Variants in ITGA1 observed in about 807,000 individuals in gnomAD.
The protein encoded by ITGA1 is integrin alpha-1.
A neutral mutation model predicts 145.9 loss-of-function variants in ITGA1; 85 were observed. The observed-to-expected ratio is 0.58, with a 90% CI of 0.49 to 0.70. The LOEUF (loss-of-function observed/expected upper bound fraction) is 0.70. ITGA1 is among the 30% of genes least tolerant of loss of function. The pLI is 0.00. For synonymous variants in ITGA1, 520 were observed against 495.3 expected (o/e 1.05, Z -0.66); for missense variants, 1,351 against 1,418.7 (o/e 0.95, Z 0.77).
At chr5:52,891,507 T>C (rs1750147921) in intron 8 of ITGA1, among the ~76,000 whole-genome samples, 1 of 151,064 alleles carries the variant, frequency 6.6e-6, no homozygotes, top group Admixed American at 6.6e-5. Flanking sequence ...TTATAGACAT[T>C]TTGCTTGTGT....
intron 1 of ITGA1, among the ~76,000 whole-genome samples, chr5:52,848,717 T>TCCCTCCC: frequency 6.7e-6 from 1 of 149,344 alleles, no homozygotes; most frequent in Middle Eastern, 3.4e-3. Context: ...CCTAATGCTT[T>TCCCTCCC]CCCTCCCCCC....
chr5:52,789,055 G>A lies in ITGA1; in HGVS notation c.61+641G>A, dbSNP rs185927612. 2.2e-3 allele frequency among the ~76,000 whole-genome samples: 333 copies of A among 152,322 alleles called. 2 individuals are homozygous for A. Among genetic ancestry groups the A allele is most frequent in the African/African-American group, 7.9e-3 (328 of 41,568 alleles). The stretch of plus-strand genomic sequence containing the variant: ...GTCTACTTTTAAGATGCAAAATATA[G>A]TATTGTTATTTGTACATAAATGTGT... On this transcript the variant is annotated intron_variant, in intron 1 of 28. Transcript: ENST00000282588.
At chr5:52,829,591 C>T (rs914405595) in intron 1 of ITGA1, among the ~76,000 whole-genome samples, 8 of 151,732 alleles carry the variant, frequency 5.3e-5, no homozygotes, top group African/African-American at 1.9e-4. Context: ...ATAAAAAAGA[C>T]TTTCAAAGGA....
At chr5:52,910,860 C>CACTATATATAGTATATATGGTATGTAT (rs1282897440) in intron 14 of ITGA1, among the ~76,000 whole-genome samples, 3 of 139,000 alleles carry the variant, frequency 2.2e-5, no homozygotes, top group Non-Finnish European at 4.6e-5. Flanking sequence ...TATATATACA[C>CACTATATATAGTATATATGGTATGTAT]ACTATATATA....
intron 12 of ITGA1, among the ~76,000 whole-genome samples, chr5:52,907,513 C>A (rs572658583): frequency 1.3e-5 from 2 of 152,126 alleles, no homozygotes; most frequent in African/African-American, 4.8e-5. Flanking sequence ...TGATTTAAAT[C>A]GTGAATGATT....
chr5:52,808,930 T>G (rs1748641391), intron 1 of ITGA1, among the ~76,000 whole-genome samples: 1 of 151,444 alleles, frequency 6.6e-6, no homozygotes, highest in Non-Finnish European at 1.5e-5. Flanking sequence ...TGTCACCTAC[T>G]TTTTGTCACC....
chr5:52,869,550 T>C (rs548160574), intron 6 of ITGA1, among the ~76,000 whole-genome samples: 16 of 152,178 alleles, frequency 1.1e-4, no homozygotes, highest in Non-Finnish European at 1.9e-4. Flanking sequence ...TGTCTGTCTA[T>C]CTGTGTTTGC....
rs1233832645 is a variant in ITGA1 at position 52,915,569 on chromosome 5, G to A, written c.1963G>A (p.Gly655Ser). Residue 655 changes from glycine to serine, a missense_variant, in exon 15 of 29, where the codon GGC becomes AGC. Gly to Ser is a moderately conservative substitution (Grantham distance 56). Transcript: ENST00000282588. Reference sequence around the variant, plus strand: ...CGGTCTGACAGATGTGACTATTGGGGGCCTTGGTGGTGCTGCCCTCTTCTG... The same window carrying A: ...CGGTCTGACAGATGTGACTATTGGGAGCCTTGGTGGTGCTGCCCTCTTCTG... ...GDGLTDVTIG[G>S]LGGAALFWSR... The A allele has an allele frequency of 3.1e-6, 5 of 1,613,970 alleles. No homozygotes were observed. Among genetic ancestry groups the A allele is most frequent in the Non-Finnish European group, 4.2e-6 (5 of 1,179,960 alleles).
At chr5:52,870,499 G>A (rs1016429926) in intron 6 of ITGA1, among the ~76,000 whole-genome samples, 1 of 152,306 alleles carries the variant, frequency 6.6e-6, no homozygotes, top group Non-Finnish European at 1.5e-5. Context: ...ACTCAGAAAG[G>A]CTTCAGTGGG....
At chr5:52,817,299 T>G (rs1419834662) in intron 1 of ITGA1, among the ~76,000 whole-genome samples, 5 of 152,194 alleles carry the variant, frequency 3.3e-5, no homozygotes, top group African/African-American at 1.2e-4. Flanking sequence ...ATTCTACAAC[T>G]AAGTGATTTT....
At chr5:52,943,089 C>G (rs1218081450) in intron 26 of ITGA1, among the ~76,000 whole-genome samples, 1 of 152,106 alleles carries the variant, frequency 6.6e-6, no homozygotes, top group Non-Finnish European at 1.5e-5. Context: ...ATTGCTCTGG[C>G]TAGGACTTAG....
chr5:52,852,956 C>T (rs752374248), intron 2 of ITGA1, among the ~76,000 whole-genome samples: 11 of 152,184 alleles, frequency 7.2e-5, no homozygotes, highest in Admixed American at 1.3e-4. Context: ...TTCATCTCTA[C>T]ACTCAGTCTT....
chr5:52,864,671 G>A (rs1749655331), intron 3 of ITGA1, 92 bp from the exon 4 acceptor site: 1 of 745,486 alleles, frequency 1.3e-6, no homozygotes, highest in Admixed American at 2.4e-5. Flanking sequence ...GCTATGATAT[G>A]AGCAAAACAA....
At chr5:52,918,659 C>G in intron 15 of ITGA1, 73 bp from the exon 16 acceptor site, 1 of 1,486,128 alleles carries the variant, frequency 6.7e-7, no homozygotes, top group Non-Finnish European at 9.1e-7. Flanking sequence ...CATGCACTCA[C>G]TTTGCACTCC....
intron 1 of ITGA1, among the ~76,000 whole-genome samples, chr5:52,812,723 G>C (rs1415078511): frequency 6.8e-6 from 1 of 146,840 alleles, no homozygotes; most frequent in East Asian, 2.1e-4. Context: ...TAAATGATAT[G>C]ATGTAAGCAA....
intron 2 of ITGA1, among the ~76,000 whole-genome samples, chr5:52,852,012 A>G (rs1561227303): frequency 6.6e-6 from 1 of 152,216 alleles, no homozygotes; most frequent in Non-Finnish European, 1.5e-5. Context: ...CTATAAATTC[A>G]ATGGGAATTC....
intron 17 of ITGA1, among the ~76,000 whole-genome samples, chr5:52,921,354 G>A (rs1750727192): frequency 6.6e-6 from 1 of 152,016 alleles, no homozygotes; most frequent in Non-Finnish European, 1.5e-5. Flanking sequence ...TGTAGTTCAG[G>A]GGCAGGGGAG....
rs1750483729 is a variant in ITGA1, at chr5:52,910,293, T to C, written c.1731T>C (p.Ala577=). 2 of 1,613,912 alleles carry C rather than the reference T, an allele frequency of 1.2e-6. No individual in the cohort carries two copies. The highest frequency in any genetic ancestry group is 1.1e-5 in the South Asian group (1 of 91,080). The change falls in exon 14 of 29, where the codon GCT becomes GCC. Residue 577 remains alanine, a synonymous_variant. Coordinates refer to ENST00000282588, the MANE Select transcript of ITGA1 (RefSeq NM_181501.2). ...CGARFGTAIA[A]VKDLNLDGFN... is the part of the protein sequence containing the mutation. ...CTCGTTTTGGAACTGCAATTGCTGC[T>C]GTAAAAGACCTCAATCTTGATGGAT...
chr5:52,842,909 C>A lies in ITGA1; in HGVS notation c.62-6456C>A, dbSNP rs142075083. On this transcript the variant is annotated intron_variant, in intron 1 of 28. Transcript: ENST00000282588. The stretch of plus-strand genomic sequence containing the variant: ...GTTTCACCATATTGGCCAGGCTGCT[C>A]TTGAACTCCTGAATTGAGGTGATCC... Among the ~76,000 whole-genome samples the A allele has an allele frequency of 3.8e-3, 579 of 152,170 alleles. 4 individuals carry two copies. Among genetic ancestry groups the A allele is most frequent in the African/African-American group, 0.013 (531 of 41,516 alleles).
Sources: allele counts gnomAD v4.1 joint callset (sites outside exome capture counted in the v4.1 genomes callset), GRCh38; gene constraint gnomAD v4.1.1; transcripts MANE v1.5; gene names NCBI Gene and HGNC (gene_info 2026-07-23, HGNC 2026-07-21).